The following STXBP6 variants were observed in gnomAD, a reference collection of about 807,000 sequenced individuals.
STXBP6 encodes syntaxin-binding protein 6.
In STXBP6, 21 loss-of-function variants were observed where a neutral mutation model predicts 26.9. The ratio of observed to expected loss-of-function variants is 0.78; its 90% confidence interval spans 0.55 to 1.12. The LOEUF (loss-of-function observed/expected upper bound fraction) is 1.12, where lower values mean the gene tolerates loss of function less well. Among genes scored for constraint, STXBP6 ranks in the 50% most tolerant of loss-of-function variants. The probability of loss-of-function intolerance (pLI) is 0.00; values close to 1 mark genes in which losing one functional copy is unlikely to be tolerated. For synonymous variants in STXBP6, 97 were observed against 92.6 expected (o/e 1.05, Z -0.27); for missense variants, 232 against 257.9 (o/e 0.90, Z 0.69).
intron 2 of STXBP6, among the ~76,000 whole-genome samples, chr14:24,897,149 G>A (rs12888493): frequency 0.34 from 50,914 of 151,570 alleles, 8,589 homozygotes; most frequent in African/African-American, 0.41. Flanking sequence ...GGTGGCTCAT[G>A]CCTGTAATCC....
intron 2 of STXBP6, among the ~76,000 whole-genome samples, chr14:24,878,168 T>G (rs956689947): frequency 1.3e-5 from 2 of 152,148 alleles, no homozygotes; most frequent in African/African-American, 2.4e-5. Flanking sequence ...ATTTGTCTTT[T>G]GACTTATGGG....
At chr14:24,877,151 A>T (rs2070173932) in intron 2 of STXBP6, among the ~76,000 whole-genome samples, 1 of 152,162 alleles carries the variant, frequency 6.6e-6, no homozygotes, top group South Asian at 2.1e-4. Flanking sequence ...ACATATTAGA[A>T]ATCTGGTCAC....
intron 2 of STXBP6, among the ~76,000 whole-genome samples, chr14:24,972,225 AC>A (rs1156981782): frequency 2.7e-5 from 4 of 150,828 alleles, no homozygotes; most frequent in Admixed American, 2.0e-4. Flanking sequence ...TTAGAATGCA[AC>A]AAAAAAGCAA....
chr14:24,908,777 C>T (rs2071469735), intron 2 of STXBP6, among the ~76,000 whole-genome samples: 1 of 152,160 alleles, frequency 6.6e-6, no homozygotes, highest in Non-Finnish European at 1.5e-5. Context: ...GGAGCTCCAA[C>T]AGCCCTCAAG....
At chr14:24,896,661 T>C (rs1407895486) in intron 2 of STXBP6, among the ~76,000 whole-genome samples, 1 of 152,092 alleles carries the variant, frequency 6.6e-6, no homozygotes, top group Non-Finnish European at 1.5e-5. Context: ...AGATATGGAG[T>C]ACAGAGGCAG....
In STXBP6 at chr14:24,868,057, T is replaced by C. The variant is rs916843546; in HGVS notation, c.155-10900A>G. Reference sequence around the variant, plus strand: ...ACAAAAAATACAGGAACCAGCTGGGTGTGGTGGCACATGCTTATAAAGTTC... The same window carrying C: ...ACAAAAAATACAGGAACCAGCTGGGCGTGGTGGCACATGCTTATAAAGTTC... On this transcript the variant is annotated intron_variant, in intron 2 of 5. Transcript: ENST00000323944. Among the ~76,000 whole-genome samples, 4 of 151,706 alleles carry C rather than the reference T, an allele frequency of 2.6e-5. No individual in the cohort carries two copies. The East Asian group carries it at 7.7e-4, about 29-fold the overall frequency.
intron 4 of STXBP6, among the ~76,000 whole-genome samples, chr14:24,841,198 C>G (rs904137071): frequency 6.6e-6 from 1 of 152,060 alleles, no homozygotes; most frequent in South Asian, 2.1e-4. Context: ...TTGTATTTCT[C>G]TTACATCTAT....
At chr14:24,941,793 G>A (rs1181042968) in intron 2 of STXBP6, among the ~76,000 whole-genome samples, 1 of 152,230 alleles carries the variant, frequency 6.6e-6, no homozygotes, top group East Asian at 1.9e-4. Context: ...TTGAGAGAGT[G>A]CCATTGCATG....
intron 2 of STXBP6, among the ~76,000 whole-genome samples, chr14:24,944,920 A>G (rs2072928052): frequency 6.6e-6 from 1 of 152,104 alleles, no homozygotes; most frequent in Non-Finnish European, 1.5e-5. Flanking sequence ...CTAGCAAACA[A>G]TAAGATCTCA....
At position 25,049,763 on chromosome 14, in the gene STXBP6, C is replaced by G; in HGVS notation, c.-33+115G>C. ...GAGCCTGCCTACTCCCCTGGCCTCA[C>G]AGCCACCCGCCTCGGACGGAGCGCC... On this transcript the variant is annotated intron_variant, in intron 1 of 5. Coordinates refer to ENST00000323944, the MANE Select transcript of STXBP6 (RefSeq NM_001394410.1). This position sits in a 1 kb window ranked among gnomAD's most constrained non-coding sequence, Gnocchi z 5.6. The G allele has an allele frequency of 1.0e-6, 1 of 985,534 alleles. No homozygotes were observed. The highest frequency in any genetic ancestry group is 1.2e-6 in the Non-Finnish European group (1 of 830,046). 61.0% of individuals were successfully genotyped at this position (985,534 alleles called of 1,614,324 possible).
chr14:24,902,737 A>G (rs1345954777), intron 2 of STXBP6, among the ~76,000 whole-genome samples: 3 of 152,172 alleles, frequency 2.0e-5, no homozygotes, highest in Admixed American at 2.0e-4. Context: ...AAGAAAGTTA[A>G]TCAGAAATAA....
intron 2 of STXBP6, among the ~76,000 whole-genome samples, chr14:24,919,528 CTT>C (rs563326736): frequency 4.1e-5 from 6 of 144,614 alleles, no homozygotes; most frequent in African/African-American, 1.3e-4. Context: ...TCAATACGCA[CTT>C]TTTTTTTTTT....
At chr14:24,934,069 A>G (rs2072515169) in intron 2 of STXBP6, among the ~76,000 whole-genome samples, 1 of 152,186 alleles carries the variant, frequency 6.6e-6, no homozygotes, top group South Asian at 2.1e-4. Context: ...ATAGCAATGG[A>G]ATTCAAAGAT....
intron 5 of STXBP6, among the ~76,000 whole-genome samples, chr14:24,814,159 T>C (rs2067902612): frequency 6.6e-6 from 1 of 152,188 alleles, no homozygotes; most frequent in African/African-American, 2.4e-5. Context: ...ATGTGGGTTC[T>C]TGCCAAGAAG....
intron 2 of STXBP6, among the ~76,000 whole-genome samples, chr14:24,932,837 G>T (rs2072464864): frequency 6.6e-6 from 1 of 152,050 alleles, no homozygotes; most frequent in Non-Finnish European, 1.5e-5. Context: ...GTCATTTGAG[G>T]TAAAATAACT....
intron 1 of STXBP6, among the ~76,000 whole-genome samples, chr14:24,993,611 G>A (rs1431357319): frequency 6.6e-6 from 1 of 152,164 alleles, no homozygotes; most frequent in East Asian, 1.9e-4. Context: ...CCAGCAGTCT[G>A]TCAGCCCAAG....
At chr14:24,895,182 A>G (rs1317942595) in intron 2 of STXBP6, among the ~76,000 whole-genome samples, 3 of 152,198 alleles carry the variant, frequency 2.0e-5, no homozygotes, top group Admixed American at 2.0e-4. Context: ...GTATTTTCCA[A>G]TATCAGCAGC....
chr14:24,938,317 A>T (rs1470399562), intron 2 of STXBP6, among the ~76,000 whole-genome samples: 1 of 152,170 alleles, frequency 6.6e-6, no homozygotes, highest in Non-Finnish European at 1.5e-5. Flanking sequence ...TCTCTGTAAT[A>T]GCTAATTCAG....
chr14:24,850,503 C>CT (rs2069115063), intron 4 of STXBP6, among the ~76,000 whole-genome samples: 9 of 152,118 alleles, frequency 5.9e-5, no homozygotes, highest in Non-Finnish European at 1.2e-4. Flanking sequence ...CTGCCACATT[C>CT]AAATTCTGAA....
Sources: allele counts gnomAD v4.1 joint callset (sites outside exome capture counted in the v4.1 genomes callset), GRCh38; gene constraint gnomAD v4.1.1; non-coding constraint Gnocchi (gnomAD v3.1); transcripts MANE v1.5; gene names NCBI Gene and HGNC (gene_info 2026-07-23, HGNC 2026-07-21).